Variants in SLC35G2 observed in about 807,000 individuals in gnomAD.
SLC35G2 encodes the protein transmembrane protein 22.
SLC35G2 carries 20 observed loss-of-function variants against 27.2 expected under a neutral mutation model. The observed-to-expected ratio is 0.74, with a 90% CI of 0.52 to 1.07. The LOEUF (loss-of-function observed/expected upper bound fraction) is 1.07. Ranked by LOEUF, SLC35G2 falls within the 50% of genes least tolerant of loss-of-function variation. The pLI, the probability that SLC35G2 is intolerant of heterozygous loss-of-function variation, is 0.00. For synonymous variants in SLC35G2, 148 were observed against 165.3 expected, an observed-to-expected ratio of 0.90 and a Z score of 0.80; for missense variants, 416 against 493.3, an observed-to-expected ratio of 0.84 and a Z score of 1.48.
intron 1 of SLC35G2, among the ~76,000 whole-genome samples, chr3:136,840,860 T>C (rs1456343545): frequency 6.6e-6 from 1 of 150,932 alleles, no homozygotes; most frequent in African/African-American, 2.4e-5. Flanking sequence ...TGACCTCAGG[T>C]GATCTGCCCG....
chr3:136,849,459 C>CT (rs397753059), intron 1 of SLC35G2, among the ~76,000 whole-genome samples: 65,858 of 148,132 alleles, frequency 0.44, 14,800 homozygotes, highest in East Asian at 0.75. Context: ...TTGAACCCAA[C>CT]TTTTTTTTTT....
chr3:136,851,776 G>A (rs1163659074), intron 1 of SLC35G2, among the ~76,000 whole-genome samples: 2 of 151,610 alleles, frequency 1.3e-5, no homozygotes, highest in African/African-American at 4.8e-5. Flanking sequence ...AGAAGTTTTT[G>A]TTTTTGTTTT....
chr3:136,824,999 G>A (rs1022886653), intron 1 of SLC35G2, among the ~76,000 whole-genome samples: 3 of 151,982 alleles, frequency 2.0e-5, no homozygotes, highest in African/African-American at 4.8e-5. Flanking sequence ...GAAAACATGC[G>A]GTGTTTGGTT....
intron 1 of SLC35G2, among the ~76,000 whole-genome samples, chr3:136,843,917 G>C (rs1576905012): frequency 6.6e-6 from 1 of 152,300 alleles, no homozygotes; most frequent in South Asian, 2.1e-4. Context: ...CTGGGTGGCA[G>C]AGTGGGACTC....
chr3:136,828,658 A>G (rs1936648847), intron 1 of SLC35G2, among the ~76,000 whole-genome samples: 1 of 152,146 alleles, frequency 6.6e-6, no homozygotes, highest in Non-Finnish European at 1.5e-5. Flanking sequence ...CTTGTAGGAA[A>G]CAGATTCACT....
intron 1 of SLC35G2, among the ~76,000 whole-genome samples, chr3:136,850,044 T>C (rs562463230): frequency 6.6e-6 from 1 of 152,038 alleles, no homozygotes; most frequent in East Asian, 1.9e-4. Context: ...GAGGTGGAGG[T>C]TGCAGTGAGC....
At chr3:136,834,914 A>G (rs1034561883) in intron 1 of SLC35G2, among the ~76,000 whole-genome samples, 1 of 152,168 alleles carries the variant, frequency 6.6e-6, no homozygotes, top group African/African-American at 2.4e-5. Flanking sequence ...AAGTTCTCCA[A>G]TTGTAAACAT....
chr3:136,830,885 CATAGTT>C (rs1173558335), intron 1 of SLC35G2, among the ~76,000 whole-genome samples: 3 of 152,156 alleles, frequency 2.0e-5, no homozygotes, highest in Non-Finnish European at 4.4e-5. Context: ...AACACTATTT[CATAGTT>C]ATAATTATAT....
chr3:136,831,658 C>A (rs897720272), intron 1 of SLC35G2, among the ~76,000 whole-genome samples: 1 of 152,084 alleles, frequency 6.6e-6, no homozygotes, highest in African/African-American at 2.4e-5. Context: ...CCAGAAATTG[C>A]TTTGTTGGGC....
chr3:136,836,996 G>T (rs1305116900), intron 1 of SLC35G2, among the ~76,000 whole-genome samples: 1 of 152,128 alleles, frequency 6.6e-6, no homozygotes, highest in African/African-American at 2.4e-5. Context: ...GTTCAGGTCA[G>T]ATTTTTCCAA....
intron 1 of SLC35G2, among the ~76,000 whole-genome samples, chr3:136,840,313 T>A (rs2108011986): frequency 6.6e-6 from 1 of 152,280 alleles, no homozygotes; most frequent in South Asian, 2.1e-4. Flanking sequence ...TAGCCTGAAA[T>A]AAGTGAGCTG....
chr3:136,829,160 T>C (rs1204443254), intron 1 of SLC35G2, among the ~76,000 whole-genome samples: 1 of 152,160 alleles, frequency 6.6e-6, no homozygotes, highest in Non-Finnish European at 1.5e-5. Context: ...ACCACAATTA[T>C]AGTGTTATAA....
chr3:136,832,461 A>G (rs1936753951), intron 1 of SLC35G2, among the ~76,000 whole-genome samples: 1 of 152,198 alleles, frequency 6.6e-6, no homozygotes, highest in Non-Finnish European at 1.5e-5. Context: ...TCTGATGTTA[A>G]AGCAAATCTA....
intron 1 of SLC35G2, among the ~76,000 whole-genome samples, chr3:136,853,186 C>T (rs1479345860): frequency 6.6e-6 from 1 of 152,130 alleles, no homozygotes; most frequent in Admixed American, 6.5e-5. Flanking sequence ...ACCTCTGCTT[C>T]CTGAATTCAA....
At position 136,854,562 on chromosome 3, in the gene SLC35G2, C is replaced by T. The variant is rs372735206; in HGVS notation, c.102C>T (p.Gly34=). ...ATACTTCTCATTATCCCCAGCCTGGCGATGATGGATATGAAGAAATCAATG... is the reference window on the plus strand; with the variant it reads ...ATACTTCTCATTATCCCCAGCCTGGTGATGATGGATATGAAGAAATCAATG... ...VKYTSHYPQP[G]DDGYEEINEG... The change falls in exon 2 of 2, where the codon GGC becomes GGT. Residue 34 remains glycine (G), a synonymous_variant. Transcript: ENST00000446465. 104 of 1,611,854 alleles carry T rather than the reference C, an allele frequency of 6.5e-5. No individual in the cohort carries two copies. The highest frequency in any genetic ancestry group is 4.6e-4 in the African/African-American group (34 of 74,560).
At chr3:136,823,161 A>G (rs959901070) in intron 1 of SLC35G2, among the ~76,000 whole-genome samples, 24 of 152,172 alleles carry the variant, frequency 1.6e-4, no homozygotes, top group African/African-American at 4.6e-4. Flanking sequence ...CTGATGATCA[A>G]TGATGTTGAG....
At chr3:136,825,241 C>CTTTT (rs71626025) in intron 1 of SLC35G2, among the ~76,000 whole-genome samples, 2 of 135,078 alleles carry the variant, frequency 1.5e-5, no homozygotes, top group African/African-American at 2.7e-5. Context: ...TCGTATATAA[C>CTTTT]TTTTTTTTTT....
At chr3:136,829,542 C>T (rs1053497455) in intron 1 of SLC35G2, among the ~76,000 whole-genome samples, 20 of 152,058 alleles carry the variant, frequency 1.3e-4, no homozygotes, top group African/African-American at 4.8e-4. Flanking sequence ...TTTTTCATTG[C>T]TGATTAATGT....
Position 136,854,974 on chromosome 3 carries a change from G to C in SLC35G2, c.514G>C (p.Gly172Arg). 4.3e-6 allele frequency: 7 copies of C among 1,614,076 alleles called. No individual in the cohort carries two copies. The highest frequency in any genetic ancestry group is 1.3e-5 in the African/African-American group (1 of 75,024). ...ATACAGATTACGACTCTTCTTTTAT[G>C]GTGTATGCAATGTCATTTCTATCAC... The part of the protein sequence containing the change: ...SGYRLRLFFY[G>R]VCNVISITCA... Residue 172 changes from glycine (G) to arginine (R), a missense_variant, in exon 2 of 2, where the codon GGT (glycine) becomes CGT (arginine). Physicochemically the swap from Gly to Arg is moderately radical, Grantham distance 125 (BLOSUM62 -2). Coordinates refer to ENST00000446465, the MANE Select transcript of SLC35G2 (RefSeq NM_025246.3).
Sources: gnomAD v4.1 joint callset for allele counts (sites outside exome capture counted in the v4.1 genomes callset) on GRCh38, gnomAD v4.1.1 for gene constraint, MANE v1.5 for transcripts, NCBI Gene and HGNC (gene_info 2026-07-23, HGNC 2026-07-21) for gene names.